Variants in LARP1B observed in about 807,000 individuals in gnomAD.
The protein encoded by LARP1B is La ribonucleoprotein 1B, also known as la-related protein 1B.
A neutral mutation model predicts 114.2 loss-of-function variants in LARP1B; 76 were observed. That is an observed-to-expected ratio of 0.67 (90% CI 0.55 to 0.81). The LOEUF is 0.81. LARP1B is among the 30% of genes least tolerant of loss of function. The pLI, the probability that LARP1B is intolerant of heterozygous loss-of-function variation, is 0.00. For missense variants in LARP1B, 1,014 were observed against 1,075.8 expected, an observed-to-expected ratio of 0.94 and a Z score of 0.80; for synonymous variants, 345 against 348.0, an observed-to-expected ratio of 0.99 and a Z score of 0.10.
chr4:128,222,625 C>T (rs1296327862), downstream of LARP1B: 3 of 268,488 alleles, frequency 1.1e-5, no homozygotes, highest in African/African-American at 4.5e-5. Context: ...GAGAAGTTGT[C>T]TTTATTCCCA....
intron 9 of LARP1B, among the ~76,000 whole-genome samples, chr4:128,112,851 A>G (rs1784586522): frequency 6.6e-6 from 1 of 152,158 alleles, no homozygotes; most frequent in Non-Finnish European, 1.5e-5. Context: ...TAAATAATAC[A>G]GTAATCTAGT....
chr4:128,167,508 T>C (rs982038521), intron 12 of LARP1B, among the ~76,000 whole-genome samples: 18 of 152,222 alleles, frequency 1.2e-4, no homozygotes, highest in African/African-American at 3.1e-4. Flanking sequence ...TTTTTCTTAT[T>C]CTGTAGGTTG....
chr4:128,100,304 T>C (rs1016496127), intron 8 of LARP1B, among the ~76,000 whole-genome samples: 3 of 147,732 alleles, frequency 2.0e-5, no homozygotes, highest in African/African-American at 7.5e-5. Flanking sequence ...ACAGAGTCTC[T>C]CTCTGTCGCC....
chr4:128,170,354 T>C (rs1190579864), intron 12 of LARP1B, among the ~76,000 whole-genome samples: 4 of 152,216 alleles, frequency 2.6e-5, no homozygotes, highest in African/African-American at 9.6e-5. Context: ...TTCAATTCAG[T>C]TGGTTAATGG....
chr4:128,086,297 G>A (rs941030058), intron 5 of LARP1B, among the ~76,000 whole-genome samples: 5 of 151,832 alleles, frequency 3.3e-5, no homozygotes, highest in African/African-American at 4.8e-5. Context: ...GAGCCACCTC[G>A]CCCAGCCGCT....
chr4:128,082,018 G>T, intron 4 of LARP1B, 147 bp from the exon 5 acceptor site: 1 of 768,130 alleles, frequency 1.3e-6, no homozygotes, highest in Non-Finnish European at 2.1e-6. Context: ...TTACAGGCAT[G>T]AGCCACCGTG....
intron 10 of LARP1B, among the ~76,000 whole-genome samples, chr4:128,114,967 T>A (rs1785293657): frequency 6.6e-6 from 1 of 152,134 alleles, no homozygotes; most frequent in Admixed American, 6.5e-5. Flanking sequence ...AGATGGAGTC[T>A]TGCCCTATTG....
intron 19 of LARP1B, among the ~76,000 whole-genome samples, chr4:128,209,175 T>C (rs1758399775): frequency 6.6e-6 from 1 of 152,144 alleles, no homozygotes; most frequent in South Asian, 2.1e-4. Flanking sequence ...TCTCAGCACT[T>C]TGGGAGGCCG....
intron 5 of LARP1B, among the ~76,000 whole-genome samples, chr4:128,083,142 T>C (rs372176994): frequency 9.2e-5 from 14 of 152,206 alleles, no homozygotes; most frequent in African/African-American, 3.1e-4. Context: ...GGTAAGGTCA[T>C]AGATCAACAG....
chr4:128,089,741 C>T (rs1309212008), intron 5 of LARP1B, among the ~76,000 whole-genome samples: 5 of 150,912 alleles, frequency 3.3e-5, no homozygotes, highest in Admixed American at 2.0e-4. Flanking sequence ...GCATTTCTTA[C>T]AGTCCATAAG....
At chr4:128,216,942 A>G (rs1759540785), downstream of LARP1B, among the ~76,000 whole-genome samples, 1 of 152,006 alleles carries the variant, frequency 6.6e-6, no homozygotes, top group South Asian at 2.1e-4. Flanking sequence ...TAGACACAAT[A>G]AAAAATGATA....
intron 11 of LARP1B, among the ~76,000 whole-genome samples, chr4:128,131,023 G>A (rs1791404600): frequency 6.6e-6 from 1 of 152,214 alleles, no homozygotes; most frequent in Non-Finnish European, 1.5e-5. Flanking sequence ...GCCAATGGTT[G>A]GAAGGGGAAG....
chr4:128,210,593 T>G lies in LARP1B; in HGVS notation c.*540T>G. On this transcript the variant is annotated 3_prime_UTR_variant, in exon 20 of 20. Transcript: ENST00000326639. ...AAAGAATATGAAATTATACCTTTAG[T>G]ATCCCTTTGAGACATATAGTTTAAA... 1.1e-6 allele frequency: 1 copy of G among 921,870 alleles called. No individual in the cohort carries two copies. Among genetic ancestry groups the G allele is most frequent in the Non-Finnish European group, 1.3e-6 (1 of 771,876 alleles). The allele number at this position is 921,870 out of a possible 1,614,324, so 57.1% of individuals were successfully genotyped here.
At chr4:128,162,770 TA>T (rs1025705306) in intron 12 of LARP1B, among the ~76,000 whole-genome samples, 4 of 152,176 alleles carry the variant, frequency 2.6e-5, no homozygotes, top group East Asian at 1.9e-4. Flanking sequence ...TGAAGGTGGT[TA>T]AAAAAATGAT....
At chr4:128,177,018 T>G (rs1248812849) in intron 13 of LARP1B, 111 bp downstream of exon 13, 2 of 973,122 alleles carry the variant, frequency 2.1e-6, no homozygotes, top group East Asian at 2.4e-5. Context: ...TGAAAAGATA[T>G]GGAACAAGGA....
At chr4:128,082,660 T>C (rs1415606579) in intron 5 of LARP1B, among the ~76,000 whole-genome samples, 1 of 152,186 alleles carries the variant, frequency 6.6e-6, no homozygotes, top group Non-Finnish European at 1.5e-5. Flanking sequence ...CTTTTGTCTT[T>C]CATGACATTG....
rs563288241 is a variant in LARP1B at position 128,136,654 on chromosome 4, T to C, written c.1524+14466T>C. Among the ~76,000 whole-genome samples the C allele has an allele frequency of 7.2e-5, 11 of 152,372 alleles. No individual in the cohort carries two copies. In the South Asian group the frequency reaches 2.1e-3, roughly 29 times the overall value. On this transcript the variant is annotated intron_variant, in intron 11 of 19. Coordinates refer to ENST00000326639, the MANE Select transcript of LARP1B (RefSeq NM_018078.4). The stretch of plus-strand genomic sequence containing the variant: ...CTAAGAATTGCAGAGCATTGTTCTT[T>C]TTTAGTATATACATGGTACTTAGAC...
At chr4:128,178,961 G>A (rs528128227) in intron 14 of LARP1B, among the ~76,000 whole-genome samples, 20 of 152,218 alleles carry the variant, frequency 1.3e-4, no homozygotes, top group Non-Finnish European at 2.2e-4. Flanking sequence ...GCGTGGTGGC[G>A]TGTGCCTGTA....
intron 11 of LARP1B, among the ~76,000 whole-genome samples, chr4:128,153,953 A>C (rs1249802560): frequency 6.6e-6 from 1 of 152,190 alleles, no homozygotes; most frequent in Non-Finnish European, 1.5e-5. Context: ...GCAGTTTGTC[A>C]CTAGGTCCTA....
Sources: allele counts gnomAD v4.1 joint callset (sites outside exome capture counted in the v4.1 genomes callset), GRCh38; gene constraint gnomAD v4.1.1; transcripts MANE v1.5; gene names NCBI Gene and HGNC (gene_info 2026-07-23, HGNC 2026-07-21).